Variants in ATP10B observed in about 807,000 individuals in gnomAD.
The protein encoded by ATP10B is phospholipid-transporting ATPase VB.
A neutral mutation model predicts 141.2 loss-of-function variants in ATP10B; 122 were observed. The observed-to-expected ratio is 0.86, with a 90% confidence interval of 0.75 to 1.00. The LOEUF is 1.00. Ranked by LOEUF, ATP10B falls within the 50% of genes least tolerant of loss-of-function variation. The pLI is 0.00. For synonymous variants in ATP10B, 685 were observed against 692.0 expected, an observed-to-expected ratio of 0.99 and a Z score of 0.16; for missense variants, 1,876 against 1,825.3, an observed-to-expected ratio of 1.03 and a Z score of -0.51.
chr5:160,792,332 T>C (rs35397669), intron 1 of ATP10B, among the ~76,000 whole-genome samples: 67,814 of 151,992 alleles, frequency 0.45, 15,244 homozygotes, highest in East Asian at 0.6. Flanking sequence ...CCAGTATCCA[T>C]ATTGTTCCTT....
rs763417220 is a variant in ATP10B, at chr5:160,565,462, C to T, written c.4377G>A (p.Leu1459=). ...AGATTTCTGCAGCTCCTCATATGGT[C>T]AGTGAACTCTGGGATCGGCGATGGC... ...RSSHRRSQSS[L]TI is the part of the protein sequence containing the mutation. Residue 1459 remains leucine (L), a synonymous_variant, in exon 26 of 26, where the codon CTG becomes CTA. Coordinates refer to ENST00000327245, the MANE Select transcript of ATP10B (RefSeq NM_025153.3). 15 of 1,613,810 alleles carry T rather than the reference C, an allele frequency of 9.3e-6. No individual in the cohort carries two copies. Among genetic ancestry groups the T allele is most frequent in the Non-Finnish European group, 1.2e-5 (14 of 1,179,914 alleles).
chr5:160,728,821 G>A (rs1766539380), intron 2 of ATP10B, among the ~76,000 whole-genome samples: 1 of 98,866 alleles, frequency 1.0e-5, no homozygotes, highest in African/African-American at 3.5e-5. Context: ...CTCAGAATGT[G>A]TTGTTTTCAT....
chr5:160,792,430 T>C (rs1333116863), intron 1 of ATP10B, among the ~76,000 whole-genome samples: 1 of 152,142 alleles, frequency 6.6e-6, no homozygotes, highest in Admixed American at 6.5e-5. Flanking sequence ...TCAAGTCTCT[T>C]TTGTGGTTAC....
intron 2 of ATP10B, among the ~76,000 whole-genome samples, chr5:160,733,692 C>CAT (rs33952685): frequency 2.9e-4 from 40 of 137,876 alleles, no homozygotes; most frequent in South Asian, 1.5e-3. Flanking sequence ...TACACACACA[C>CAT]ATATATATAT....
chr5:160,910,139 T>C, the ATP10B span, among the ~76,000 whole-genome samples: 1 of 152,276 alleles, frequency 6.6e-6, no homozygotes, highest in East Asian at 1.9e-4. Flanking sequence ...CCACACTCTG[T>C]CCTGACTCTT....
At chr5:160,792,809 T>C (rs757953258) in intron 1 of ATP10B, among the ~76,000 whole-genome samples, 16 of 152,202 alleles carry the variant, frequency 1.1e-4, no homozygotes, top group African/African-American at 3.4e-4. Flanking sequence ...TTGGTCACTC[T>C]TGGCCTGTGG....
intron 10 of ATP10B, among the ~76,000 whole-genome samples, chr5:160,640,103 C>T (rs1464963965): frequency 6.6e-6 from 1 of 152,224 alleles, no homozygotes; most frequent in African/African-American, 2.4e-5. Flanking sequence ...TTCTGATCTC[C>T]AGAGCTGTAA....
intron 2 of ATP10B, among the ~76,000 whole-genome samples, chr5:160,754,240 T>A (rs1293509227): frequency 6.6e-6 from 1 of 152,218 alleles, no homozygotes; most frequent in African/African-American, 2.4e-5. Flanking sequence ...ATCGTTGTCA[T>A]CTTCCCAAAC....
intron 22 of ATP10B, among the ~76,000 whole-genome samples, chr5:160,596,192 C>T (rs1210808419): frequency 2.0e-5 from 3 of 152,194 alleles, no homozygotes; most frequent in African/African-American, 7.2e-5. Context: ...AACTTATCCA[C>T]CATGATCAAG....
intron 1 of ATP10B, among the ~76,000 whole-genome samples, chr5:160,826,082 A>T (rs1383321197): frequency 6.6e-6 from 1 of 152,080 alleles, no homozygotes; most frequent in African/African-American, 2.4e-5. Context: ...GGTTGGTTCC[A>T]TGTCTTTGTT....
chr5:160,849,279 C>A (rs1753647057), intron 1 of ATP10B, among the ~76,000 whole-genome samples: 1 of 152,162 alleles, frequency 6.6e-6, no homozygotes, highest in South Asian at 2.1e-4. Flanking sequence ...TCCTGTGTCA[C>A]TTCTTCAACT....
intron 1 of ATP10B, among the ~76,000 whole-genome samples, chr5:160,806,239 G>A (rs774011598): frequency 2.0e-5 from 3 of 152,166 alleles, no homozygotes; most frequent in Non-Finnish European, 4.4e-5. Flanking sequence ...TAGTCAAATT[G>A]ATACATAAAA....
At chr5:160,790,807 G>A (rs1451412948) in intron 1 of ATP10B, among the ~76,000 whole-genome samples, 2 of 152,144 alleles carry the variant, frequency 1.3e-5, no homozygotes, top group African/African-American at 4.8e-5. Flanking sequence ...CTCTGCAAGT[G>A]GAATTAAGGT....
intron 1 of ATP10B, among the ~76,000 whole-genome samples, chr5:160,792,464 G>A (rs1231399354): frequency 1.3e-5 from 2 of 152,062 alleles, no homozygotes; most frequent in African/African-American, 4.8e-5. Context: ...ACTGTGTTAG[G>A]GCCACTGGAA....
chr5:160,835,416 A>G (rs1001864721), intron 1 of ATP10B, among the ~76,000 whole-genome samples: 3 of 152,118 alleles, frequency 2.0e-5, no homozygotes, highest in Non-Finnish European at 4.4e-5. Context: ...AGAAATGGAA[A>G]GAGGAGCATA....
the ATP10B span, among the ~76,000 whole-genome samples, chr5:160,871,970 C>A: frequency 6.6e-6 from 1 of 152,080 alleles, no homozygotes; most frequent in Non-Finnish European, 1.5e-5. Flanking sequence ...GGAATATCCC[C>A]ACTGTTTTCC....
At chr5:160,592,936 C>A (rs1157141173) in intron 22 of ATP10B, among the ~76,000 whole-genome samples, 2 of 152,224 alleles carry the variant, frequency 1.3e-5, no homozygotes, top group African/African-American at 2.4e-5. Flanking sequence ...TGGAGCCCAC[C>A]ACAGCTCAAG....
intron 1 of ATP10B, among the ~76,000 whole-genome samples, chr5:160,814,337 T>G (rs978336847): frequency 6.6e-6 from 1 of 152,134 alleles, no homozygotes; most frequent in Non-Finnish European, 1.5e-5. Context: ...ACGTGATGAA[T>G]GCACAAGCCT....
chr5:160,808,320 G>A (rs951378283), intron 1 of ATP10B, among the ~76,000 whole-genome samples: 2 of 152,164 alleles, frequency 1.3e-5, no homozygotes, highest in Non-Finnish European at 1.5e-5. Flanking sequence ...TGATATCCCC[G>A]GAAATGGTGA....
Sources: gnomAD v4.1 joint callset for allele counts (sites outside exome capture counted in the v4.1 genomes callset) on GRCh38, gnomAD v4.1.1 for gene constraint, MANE v1.5 for transcripts, NCBI Gene and HGNC (gene_info 2026-07-23, HGNC 2026-07-21) for gene names.